Variants in WDFY4 observed in about 807,000 individuals in gnomAD.
WDFY4 encodes WDFY family member 4, also known as WD repeat- and FYVE domain-containing protein 4.
Under a neutral mutation model 351.9 loss-of-function variants are expected in WDFY4, and 169 were observed. The ratio of observed to expected loss-of-function variants is 0.48; its 90% confidence interval spans 0.42 to 0.55. The LOEUF (loss-of-function observed/expected upper bound fraction) is 0.55. Among genes scored for constraint, WDFY4 ranks in the 20% least tolerant of loss-of-function variants. The pLI is 0.00. For missense variants in WDFY4, 3,803 were observed against 3,935.6 expected (o/e 0.97, Z 0.90); for synonymous variants, 1,622 against 1,574.6 (o/e 1.03, Z -0.71).
chr10:48,745,328 C>A (rs1240691894), intron 12 of WDFY4, among the ~76,000 whole-genome samples: 1 of 152,178 alleles, frequency 6.6e-6, no homozygotes, highest in Non-Finnish European at 1.5e-5. Flanking sequence ...AGGTTGACTT[C>A]ATGGCCCTCA....
At position 48,957,144 on chromosome 10, in the gene WDFY4, G is replaced by C. The variant is rs200398332; in HGVS notation, c.7993G>C (p.Val2665Leu). 18 of 1,550,174 alleles carry C rather than the reference G, an allele frequency of 1.2e-5. No homozygotes were observed. The highest frequency in any genetic ancestry group is 1.5e-5 in the Non-Finnish European group (17 of 1,145,974). ...TTTCCCCCAGGGCGGAAGCTTCGAC[G>C]TGGCAGACAGAATGTTCCACAGTGT... ...FCALQGGSFD[V>L]ADRMFHSVKS... The change falls in exon 52 of 62, where the codon GTG becomes CTG. Residue 2665 changes from valine (V) to leucine (L), a missense_variant. Val to Leu is a conservative substitution (Grantham distance 32, BLOSUM62 1). Transcript: ENST00000325239.
intron 39 of WDFY4, among the ~76,000 whole-genome samples, chr10:48,842,760 T>C (rs374457698): frequency 6.6e-6 from 1 of 152,230 alleles, no homozygotes; most frequent in Non-Finnish European, 1.5e-5. Context: ...ACACACTTAA[T>C]GAATTATCAG....
intron 39 of WDFY4, among the ~76,000 whole-genome samples, chr10:48,839,624 G>C (rs939314556): frequency 2.0e-5 from 3 of 152,214 alleles, no homozygotes; most frequent in Non-Finnish European, 4.4e-5. Context: ...GAGAAAGCAG[G>C]CTGGAGGGAT....
chr10:48,934,405 G>A (rs1409655477), intron 47 of WDFY4, among the ~76,000 whole-genome samples: 1 of 152,174 alleles, frequency 6.6e-6, no homozygotes, highest in African/African-American at 2.4e-5. Context: ...ATCTCCACCG[G>A]GGGGATACAG....
At chr10:48,883,430 C>T (rs183135237) in intron 43 of WDFY4, among the ~76,000 whole-genome samples, 3 of 152,210 alleles carry the variant, frequency 2.0e-5, no homozygotes, top group South Asian at 4.1e-4. Context: ...ATTCCCCAGG[C>T]TGGTACAATT....
intron 49 of WDFY4, among the ~76,000 whole-genome samples, chr10:48,945,398 A>T (rs1840989180): frequency 6.6e-6 from 1 of 152,020 alleles, no homozygotes; most frequent in Non-Finnish European, 1.5e-5. Context: ...AGAAGGAGAG[A>T]TACACAGGTA....
intron 47 of WDFY4, among the ~76,000 whole-genome samples, chr10:48,905,045 C>T (rs1325736535): frequency 1.3e-5 from 2 of 152,214 alleles, no homozygotes; most frequent in South Asian, 2.1e-4. Flanking sequence ...TCATGACACA[C>T]ATCACTTCAC....
chr10:48,725,994 C>A lies in WDFY4; in HGVS notation c.705C>A (p.Phe235Leu). ...GCCTTCGGGAGCACAGCTGCTGCTT[C>A]TGGAAGGAACCCACCTTCTGCGTGC... ...TTCLREHSCC[F>L]WKEPTFCVLR... The change falls in exon 6 of 62, where the codon TTC (phenylalanine) becomes TTA (leucine). Residue 235 changes from phenylalanine to leucine, a missense_variant. This residue lies in a region of WDFY4 where 488 missense variants were observed against 456.8 expected (regional missense o/e 1.07). Coordinates refer to ENST00000325239, the MANE Select transcript of WDFY4 (RefSeq NM_001394531.1). 1 of 1,551,756 alleles carries A rather than the reference C, an allele frequency of 6.4e-7. No homozygotes were observed. The highest frequency in any genetic ancestry group is 8.7e-7 in the Non-Finnish European group (1 of 1,147,014).
chr10:48,954,020 G>A (rs546414096), intron 51 of WDFY4, among the ~76,000 whole-genome samples: 2 of 152,276 alleles, frequency 1.3e-5, no homozygotes, highest in South Asian at 2.1e-4. Flanking sequence ...TTTTAACTTG[G>A]ATCAATGTGC....
chr10:48,725,693 G>A (rs1286988647), intron 5 of WDFY4, among the ~76,000 whole-genome samples, 188 bp from the exon 6 acceptor site: 1 of 152,144 alleles, frequency 6.6e-6, no homozygotes, highest in African/African-American at 2.4e-5. Flanking sequence ...TGAGCCCCAG[G>A]CCCTGCCACC....
In WDFY4 at chr10:48,773,424, C is replaced by T. The variant is rs1318289340; in HGVS notation, c.2554-1034C>T. ...AGTCCTAAGAGTTTTTGTAAAGGAACATCCCACCCAATCCAAACCCTTTAT... is the reference window on the plus strand; with the variant it reads ...AGTCCTAAGAGTTTTTGTAAAGGAATATCCCACCCAATCCAAACCCTTTAT... On this transcript the variant is annotated intron_variant, in intron 13 of 61. Transcript: ENST00000325239. Among the ~76,000 whole-genome samples, 13 of 152,334 alleles carry T rather than the reference C, an allele frequency of 8.5e-5. 1 individual carries two copies. In the East Asian group the frequency reaches 1.3e-3, roughly 16 times the overall value.
rs146273995 is a variant in WDFY4, at chr10:48,926,159, G to T, written c.7587-15647G>T. ...ACATTGCTGGCCCCCACTGCCTCCC[G>T]GGAGAGGAAGCCATCCTGGAATCCT... On this transcript the variant is annotated intron_variant, in intron 47 of 61. Transcript: ENST00000325239. 1.4e-4 allele frequency among the ~76,000 whole-genome samples: 21 copies of T among 152,266 alleles called. No homozygotes were observed. The East Asian group carries it at 4.1e-3, about 29-fold the overall frequency.
intron 47 of WDFY4, among the ~76,000 whole-genome samples, chr10:48,912,967 T>A (rs916810242): frequency 1.3e-5 from 2 of 152,242 alleles, no homozygotes; most frequent in African/African-American, 4.8e-5. Flanking sequence ...TGAGATTCCT[T>A]GCCTTTGAAG....
chr10:48,980,349 G>A (rs552847833), intron 60 of WDFY4, among the ~76,000 whole-genome samples: 1 of 152,284 alleles, frequency 6.6e-6, no homozygotes, highest in African/African-American at 2.4e-5. Flanking sequence ...CATGGCACGT[G>A]GATATTTGCA....
chr10:48,774,816 G>C, intron 14 of WDFY4, 144 bp downstream of exon 14: 3 of 1,106,674 alleles, frequency 2.7e-6, no homozygotes, highest in South Asian at 2.7e-5. Context: ...GGAGTCCATG[G>C]CTGAGCCTTG....
At chr10:48,749,895 C>T (rs529190036) in intron 12 of WDFY4, among the ~76,000 whole-genome samples, 64 of 152,302 alleles carry the variant, frequency 4.2e-4, no homozygotes, top group African/African-American at 1.4e-3. Context: ...CGTGGGCTGA[C>T]GTTTATTCCT....
intron 9 of WDFY4, among the ~76,000 whole-genome samples, chr10:48,732,655 A>G (rs2064504465): frequency 6.6e-6 from 1 of 152,218 alleles, no homozygotes. Context: ...CCTCGGTAAA[A>G]CAGGGTAATG....
intron 28 of WDFY4, among the ~76,000 whole-genome samples, chr10:48,809,198 A>G (rs2067358404): frequency 6.7e-6 from 1 of 150,266 alleles, no homozygotes; most frequent in Admixed American, 6.6e-5. Flanking sequence ...CATCACCATC[A>G]CCATCACCAC....
intron 19 of WDFY4, among the ~76,000 whole-genome samples, chr10:48,783,853 T>C (rs977194833): frequency 2.6e-5 from 4 of 152,226 alleles, no homozygotes; most frequent in African/African-American, 9.7e-5. Flanking sequence ...TATTTGTGTA[T>C]CTAAACACTC....
Sources: allele counts gnomAD v4.1 joint callset (sites outside exome capture counted in the v4.1 genomes callset), GRCh38; gene constraint gnomAD v4.1.1; regional missense constraint gnomAD v4.1.1; transcripts MANE v1.5; gene names NCBI Gene and HGNC (gene_info 2026-07-23, HGNC 2026-07-21).